The following C12orf43 variants were observed in gnomAD, a reference collection of about 807,000 sequenced individuals.
C12orf43 encodes the protein protein CUSTOS.
A neutral mutation model predicts 20.6 loss-of-function variants in C12orf43; 15 were observed. The ratio of observed to expected loss-of-function variants is 0.73; its 90% CI spans 0.49 to 1.12. The LOEUF is 1.12. C12orf43 is among the 50% of genes most tolerant of loss of function. The pLI, the probability that C12orf43 is intolerant of heterozygous loss-of-function variation, is 0.00. For synonymous variants in C12orf43, 144 were observed against 130.8 expected, an observed-to-expected ratio of 1.10 and a Z score of -0.69; for missense variants, 334 against 344.4, an observed-to-expected ratio of 0.97 and a Z score of 0.24.
At chr12:121,014,854 T>C (rs1032890985) in intron 1 of C12orf43, among the ~76,000 whole-genome samples, 2 of 151,768 alleles carry the variant, frequency 1.3e-5, no homozygotes, top group Non-Finnish European at 2.9e-5. Context: ...ACATCTGTAG[T>C]CTCAGCTACT....
In C12orf43 at chr12:121,004,523, G is replaced by A; in HGVS notation, c.453-34C>T. ...ACGAGAGGGTACCCTGGGTTAGCTG[G>A]AGTCAGGACACAGCCCCAGAGCTGC... On this transcript the variant is annotated intron_variant, in intron 5 of 5. Transcript: ENST00000288757. This position sits in a 1 kb window ranked among gnomAD's most constrained non-coding sequence, Gnocchi z 5.6. 1 of 1,550,366 alleles carries A rather than the reference G, an allele frequency of 6.5e-7. No homozygotes were observed. The highest frequency in any genetic ancestry group is 8.7e-7 in the Non-Finnish European group (1 of 1,151,620).
At position 121,006,474 on chromosome 12, in the gene C12orf43, G is replaced by A. The variant is rs1592911208; in HGVS notation, c.288-80C>T. The A allele has an allele frequency of 4.8e-5, 65 of 1,347,368 alleles. No individual in the cohort carries two copies. The East Asian group carries it at 1.5e-3, about 31-fold the overall frequency. 83.5% of individuals were successfully genotyped at this position (1,347,368 alleles called of 1,614,324 possible). ...ACAAAATTCTTTTTCAAGTGGAGGGGATGGGGTATGTGATTGTAAATGCAA... is the reference window on the plus strand; with the variant it reads ...ACAAAATTCTTTTTCAAGTGGAGGGAATGGGGTATGTGATTGTAAATGCAA... On this transcript the variant is annotated intron_variant, in intron 3 of 5. Transcript: ENST00000288757.
In C12orf43 at chr12:121,002,192, G is replaced by C. The variant is rs1877543871; in HGVS notation, c.*1961C>G. 1 of 464,298 alleles carries C rather than the reference G, an allele frequency of 2.2e-6. No homozygotes were observed. The highest frequency in any genetic ancestry group is 1.9e-5 in the African/African-American group (1 of 51,552). The allele number at this position is 464,298 out of a possible 1,614,324, so 28.8% of individuals were successfully genotyped here. ...AGGAGAAGAAAGAGGTGACCCCAGG[G>C]CACAGGAGCTACCTGTGTGGACAGG... On this transcript the variant is annotated 3_prime_UTR_variant, in exon 6 of 6. Coordinates refer to ENST00000288757, the MANE Select transcript of C12orf43 (RefSeq NM_022895.3).
Position 121,002,469 on chromosome 12 carries a change from GTTTA to G in C12orf43, c.*1680_*1683del, listed in dbSNP as rs1376662862. The G allele has an allele frequency of 5.7e-6, 3 of 524,036 alleles. No individual in the cohort carries two copies. The highest frequency in any genetic ancestry group is 8.2e-5 in the East Asian group (2 of 24,318). 32.5% of individuals were successfully genotyped at this position (524,036 alleles called of 1,614,324 possible). On this transcript the variant is annotated 3_prime_UTR_variant, in exon 6 of 6. Coordinates refer to ENST00000288757, the MANE Select transcript of C12orf43 (RefSeq NM_022895.3). ...TGTAGCCAGCCGGGGCGAGTGGCAC[GTTTA>G]TTTAACTTTTAGTAAAGTCAAGGAG...
chr12:121,003,199 G>A lies in C12orf43; in HGVS notation c.*954C>T, dbSNP rs946160181. Reference sequence around the variant, plus strand: ...GTGTCAACATGCTCAGCTAATTTTTGTATTTTTAGTAGAGATGGGGTCTCG... The same window carrying A: ...GTGTCAACATGCTCAGCTAATTTTTATATTTTTAGTAGAGATGGGGTCTCG... On this transcript the variant is annotated 3_prime_UTR_variant, in exon 6 of 6. Coordinates refer to ENST00000288757, the MANE Select transcript of C12orf43 (RefSeq NM_022895.3). 6.6e-6 allele frequency: 1 copy of A among 151,924 alleles called. No individual in the cohort carries two copies. The highest frequency in any genetic ancestry group is 2.4e-5 in the African/African-American group (1 of 41,356). 9.4% of individuals were successfully genotyped at this position (151,924 alleles called of 1,614,324 possible). A position where few individuals can be genotyped will look rare whatever the true frequency, so the allele number is the denominator to read the frequency against.
At chr12:121,016,066 C>T (rs953234766) in intron 1 of C12orf43, among the ~76,000 whole-genome samples, 1 of 152,146 alleles carries the variant, frequency 6.6e-6, no homozygotes, top group East Asian at 1.9e-4. Context: ...GAGACGGCAG[C>T]CTTCCCAGTG....
chr12:121,008,875 C>T (rs373029466), intron 3 of C12orf43, among the ~76,000 whole-genome samples: 4 of 152,214 alleles, frequency 2.6e-5, no homozygotes, highest in South Asian at 2.1e-4. Context: ...AGACCTGTTC[C>T]GCAGGTTGTT....
intron 1 of C12orf43, 171 bp downstream of exon 1, chr12:121,016,159 C>G: frequency 2.0e-6 from 2 of 988,798 alleles, no homozygotes; most frequent in East Asian, 5.2e-5. Flanking sequence ...TAATGAAATA[C>G]CCTCCCTACT....
At chr12:121,014,676 C>T (rs1412045263) in intron 1 of C12orf43, among the ~76,000 whole-genome samples, 1 of 124,090 alleles carries the variant, frequency 8.1e-6, no homozygotes, top group South Asian at 2.6e-4. Flanking sequence ...AAAAAACAAA[C>T]AAACAAACAA....
chr12:121,001,136 A>G lies in C12orf43; in HGVS notation c.*3017T>C. The G allele has an allele frequency of 6.2e-7, 1 of 1,614,070 alleles. No homozygotes were observed. Among genetic ancestry groups the G allele is most frequent in the Non-Finnish European group, 8.5e-7 (1 of 1,180,002 alleles). ...TGGCCAGAGCCACCTGCTGCCATCC[A>G]ACCACAGCGTCATCGAGACCTTCAT... On this transcript the variant is annotated 3_prime_UTR_variant, in exon 6 of 6. Transcript: ENST00000288757.
intron 3 of C12orf43, among the ~76,000 whole-genome samples, chr12:121,009,951 T>G (rs1317179692): frequency 1.3e-5 from 2 of 152,154 alleles, no homozygotes; most frequent in African/African-American, 4.8e-5. Context: ...GTGGCGGGAA[T>G]GAGCTTCTCG....
intron 1 of C12orf43, among the ~76,000 whole-genome samples, chr12:121,014,300 C>G (rs947405976): frequency 6.2e-5 from 9 of 145,752 alleles, no homozygotes; most frequent in Non-Finnish European, 1.1e-4. Flanking sequence ...CCATTGCACT[C>G]CAGCCTTGGT....
chr12:121,004,203 T>G lies in C12orf43; in HGVS notation c.739A>C (p.Thr247Pro), dbSNP rs770391869. The G allele has an allele frequency of 8.7e-6, 14 of 1,614,062 alleles. No individual in the cohort carries two copies. The highest frequency in any genetic ancestry group is 1.6e-4 in the Middle Eastern group (1 of 6,062). Residue 247 changes from threonine (T) to proline (P), a missense_variant, in exon 6 of 6, where the codon ACC (threonine) becomes CCC (proline). Thr to Pro is a conservative substitution (Grantham distance 38, BLOSUM62 -1). Transcript: ENST00000288757. This position sits in a 1 kb window ranked among gnomAD's most constrained non-coding sequence, Gnocchi z 5.6. Reference sequence around the variant, plus strand: ...CTCTTTGCTGGTGGGAATGGAGAGGTCTCGCTGGCCTTCTTTGCCTTTTTC... The same window carrying G: ...CTCTTTGCTGGTGGGAATGGAGAGGGCTCGCTGGCCTTCTTTGCCTTTTTC... ...KKKKAKKASE[T>P]SPFPPAKSAT...
intron 1 of C12orf43, among the ~76,000 whole-genome samples, chr12:121,011,449 ATAAAACT>A (rs1361765632): frequency 1.3e-5 from 2 of 148,274 alleles, no homozygotes; most frequent in African/African-American, 4.9e-5. Context: ...AGTTATATAT[ATAAAACT>A]TAAAATAGTT....
intron 1 of C12orf43, among the ~76,000 whole-genome samples, chr12:121,015,586 G>T (rs1290720432): frequency 1.3e-5 from 2 of 152,208 alleles, no homozygotes; most frequent in Non-Finnish European, 2.9e-5. Flanking sequence ...ATAGAGATGG[G>T]TCTAAAAATT....
At chr12:121,007,649 C>G (rs2135872270) in intron 3 of C12orf43, among the ~76,000 whole-genome samples, 1 of 152,334 alleles carries the variant, frequency 6.6e-6, no homozygotes, top group Middle Eastern at 3.4e-3. Context: ...AAATAAACCA[C>G]ATTTCTCTAG....
rs1020423529 is a variant in C12orf43, at chr12:121,002,389, C to A, written c.*1764G>T. 1.9e-6 allele frequency: 1 copy of A among 524,300 alleles called. No individual in the cohort carries two copies. Among genetic ancestry groups the A allele is most frequent in the Non-Finnish European group, 3.7e-6 (1 of 271,682 alleles). 32.5% of individuals were successfully genotyped at this position (524,300 alleles called of 1,614,324 possible). A position where few individuals can be genotyped will look rare whatever the true frequency, so the allele number is the denominator to read the frequency against. On this transcript the variant is annotated 3_prime_UTR_variant, in exon 6 of 6. Coordinates refer to ENST00000288757, the MANE Select transcript of C12orf43 (RefSeq NM_022895.3). ...TGAGAACCTGGCCTTCAGTGTACCG[C>A]GTCTACCCTGGGATTCAGGAAAAGG...
At chr12:121,012,187 G>A (rs1024339146) in intron 1 of C12orf43, among the ~76,000 whole-genome samples, 4 of 152,166 alleles carry the variant, frequency 2.6e-5, no homozygotes, top group Admixed American at 1.3e-4. Flanking sequence ...TGGACATGTG[G>A]GACACAGCCT....
rs538571625 is a variant in C12orf43 at position 121,002,363 on chromosome 12, C to T, written c.*1790G>A. 9.1e-5 allele frequency: 45 copies of T among 494,498 alleles called. No individual in the cohort carries two copies. Among genetic ancestry groups the T allele is most frequent in the Non-Finnish European group, 1.2e-4 (30 of 257,756 alleles). The allele number at this position is 494,498 out of a possible 1,614,324, so 30.6% of individuals were successfully genotyped here. ...TGGTCCCACATCCCTGGGCCTGCTG[C>T]TGAGAACCTGGCCTTCAGTGTACCG... On this transcript the variant is annotated 3_prime_UTR_variant, in exon 6 of 6. Transcript: ENST00000288757.
Sources: allele counts gnomAD v4.1 joint callset (sites outside exome capture counted in the v4.1 genomes callset), GRCh38; gene constraint gnomAD v4.1.1; non-coding constraint Gnocchi (gnomAD v3.1); transcripts MANE v1.5; gene names NCBI Gene and HGNC (gene_info 2026-07-23, HGNC 2026-07-21).